ITPR2: variants seen among roughly 807,000 people sequenced by gnomAD.
The protein encoded by ITPR2 is inositol 1,4,5-trisphosphate-gated calcium channel ITPR2.
A neutral mutation model predicts 317.1 loss-of-function variants in ITPR2; 207 were observed. The ratio of observed to expected loss-of-function variants is 0.65; its 90% CI spans 0.58 to 0.73. The LOEUF is 0.73. Among genes scored for constraint, ITPR2 ranks in the 30% least tolerant of loss-of-function variants. The pLI, the probability that ITPR2 is intolerant of heterozygous loss-of-function variation, is 0.00. For missense variants in ITPR2, 2,613 were observed against 3,284.0 expected (o/e 0.80, Z 4.99); for synonymous variants, 1,156 against 1,149.1 (o/e 1.01, Z -0.12).
At chr12:26,439,004 TCAGTAATATCAGAC>T in intron 47 of ITPR2, 109 bp downstream of exon 47, 2 of 640,474 alleles carry the variant, frequency 3.1e-6, no homozygotes, top group Non-Finnish European at 5.3e-6. Flanking sequence ...GCAAGTGATT[TCAGTAATATCAGAC>T]CAGCAAGAAA....
At chr12:26,753,753 A>G (rs1164298466) in intron 2 of ITPR2, among the ~76,000 whole-genome samples, 1 of 152,210 alleles carries the variant, frequency 6.6e-6, no homozygotes, top group Non-Finnish European at 1.5e-5. Flanking sequence ...AGAGAGGTAC[A>G]TTAGGACAAA....
chr12:26,470,082 C>T (rs1942262244), intron 45 of ITPR2, among the ~76,000 whole-genome samples: 1 of 152,126 alleles, frequency 6.6e-6, no homozygotes, highest in South Asian at 2.1e-4. Flanking sequence ...ATTCACATAC[C>T]CCATCTGGCC....
chr12:26,358,806 C>A (rs1312770390), intron 55 of ITPR2, among the ~76,000 whole-genome samples: 1 of 152,168 alleles, frequency 6.6e-6, no homozygotes, highest in Non-Finnish European at 1.5e-5. Flanking sequence ...CCACCTGCCA[C>A]CCTCACTGAC....
chr12:26,437,046 A>C (rs1941369864), intron 47 of ITPR2, among the ~76,000 whole-genome samples: 1 of 152,248 alleles, frequency 6.6e-6, no homozygotes, highest in Non-Finnish European at 1.5e-5. Flanking sequence ...ATCACAAATG[A>C]ATTAGTAAAT....
At position 26,594,686 on chromosome 12, in the gene ITPR2, A is replaced by G. The variant is rs73292125; in HGVS notation, c.4380+779T>C. On this transcript the variant is annotated intron_variant, in intron 32 of 56. Coordinates refer to ENST00000381340, the MANE Select transcript of ITPR2 (RefSeq NM_002223.4). ...TTTGAACTTCAAGTCCCATAACTTT[A>G]AAGGGAAAATTAGATTTTTTTTTAG... Among the ~76,000 whole-genome samples, 477 of 152,214 alleles carry G rather than the reference A, an allele frequency of 3.1e-3. 4 individuals carry two copies. The highest frequency in any genetic ancestry group is 0.011 in the African/African-American group (444 of 41,536).
intron 45 of ITPR2, among the ~76,000 whole-genome samples, chr12:26,454,513 T>C (rs1186943374): frequency 1.3e-5 from 2 of 152,170 alleles, no homozygotes; most frequent in East Asian, 3.8e-4. Context: ...GCCAGAAATG[T>C]TTTAATTCCT....
At chr12:26,382,189 T>C (rs1342467599) in intron 55 of ITPR2, among the ~76,000 whole-genome samples, 1 of 152,200 alleles carries the variant, frequency 6.6e-6, no homozygotes, top group East Asian at 1.9e-4. Context: ...TCGCTCCTTT[T>C]CCCTTCTTAC....
rs1292479379 is a variant in ITPR2, at chr12:26,481,217, T to G, written c.6037A>C (p.Asn2013His). The change falls in exon 43 of 57, where the codon AAT becomes CAT. Residue 2013 changes from asparagine to histidine, a missense_variant. Physicochemically the swap from Asn to His is moderately conservative, Grantham distance 68 (BLOSUM62 1). Transcript: ENST00000381340. ...AAAGCAATGATGATATCAATCCCAT[T>G]AGACTCATGTGTAGCGATACAGGTC... Reference protein sequence around the residue: ...NQTCIATHESNGIDIIIALIL... With the variant: ...NQTCIATHESHGIDIIIALIL... 1 of 1,611,418 alleles carries G rather than the reference T, an allele frequency of 6.2e-7. No individual in the cohort carries two copies. The highest frequency in any genetic ancestry group is 1.1e-5 in the South Asian group (1 of 91,016).
At chr12:26,686,157 T>A (rs1309766662) in intron 11 of ITPR2, among the ~76,000 whole-genome samples, 2 of 152,136 alleles carry the variant, frequency 1.3e-5, no homozygotes, top group Admixed American at 6.5e-5. Context: ...AAATCTGACA[T>A]AATAAAAATA....
intron 2 of ITPR2, among the ~76,000 whole-genome samples, chr12:26,785,428 T>TG (rs1414785717): frequency 2.0e-5 from 1 of 49,930 alleles, no homozygotes; most frequent in Non-Finnish European, 4.9e-5. Context: ...AGGAGGGAGG[T>TG]GGGGGGGTCA....
chr12:26,737,158 T>C lies in ITPR2; in HGVS notation c.164-11393A>G, dbSNP rs148305288. Among the ~76,000 whole-genome samples, 20 of 152,314 alleles carry C rather than the reference T, an allele frequency of 1.3e-4. No homozygotes were observed. In the East Asian group the frequency reaches 2.3e-3, roughly 18 times the overall value. On this transcript the variant is annotated intron_variant, in intron 2 of 56. Transcript: ENST00000381340. ...GGCAAGTAAACTTGTACTCATCATG[T>C]TGAGGCAGAGGCAGATGCAGTGCAG...
chr12:26,644,612 C>G (rs112284782), intron 21 of ITPR2, among the ~76,000 whole-genome samples: 2,360 of 152,268 alleles, frequency 0.015, 24 homozygotes, highest in Non-Finnish European at 0.024. Context: ...AGAGCATGTG[C>G]AAGGGAACTC....
In ITPR2 at chr12:26,792,944, T is replaced by C. The variant is rs1176612963; in HGVS notation, c.93-2717A>G. Among the ~76,000 whole-genome samples the C allele has an allele frequency of 2.0e-5, 3 of 152,224 alleles. No homozygotes were observed. In the East Asian group the frequency reaches 5.8e-4, roughly 29 times the overall value. On this transcript the variant is annotated intron_variant, in intron 1 of 56. Transcript: ENST00000381340. The stretch of plus-strand genomic sequence containing the variant: ...TAGAGACTATCCACATGAGTCTAGA[T>C]GTGCCCCAACGAGGGCAGAGTACAG...
intron 32 of ITPR2, among the ~76,000 whole-genome samples, chr12:26,586,858 G>A (rs1300019327): frequency 6.6e-6 from 1 of 152,142 alleles, no homozygotes; most frequent in African/African-American, 2.4e-5. Flanking sequence ...ATTCATGTTT[G>A]TATTGCCTAG....
chr12:26,471,607 C>A (rs895626383), intron 45 of ITPR2, among the ~76,000 whole-genome samples: 6 of 152,042 alleles, frequency 3.9e-5, no homozygotes, highest in African/African-American at 1.4e-4. Flanking sequence ...CAGGAAAGGC[C>A]AAAAGAGATG....
chr12:26,538,422 A>C (rs1944161574), intron 37 of ITPR2, among the ~76,000 whole-genome samples: 1 of 152,220 alleles, frequency 6.6e-6, no homozygotes, highest in African/African-American at 2.4e-5. Context: ...AGTGGCTTGA[A>C]AAACTGAAAT....
chr12:26,563,566 G>A (rs1944875355), intron 34 of ITPR2, among the ~76,000 whole-genome samples: 1 of 151,590 alleles, frequency 6.6e-6, no homozygotes, highest in Non-Finnish European at 1.5e-5. Flanking sequence ...AAAAAAAAAA[G>A]ATAGAATGTG....
intron 44 of ITPR2, among the ~76,000 whole-genome samples, chr12:26,475,847 G>A (rs541795732): frequency 6.6e-6 from 1 of 152,170 alleles, no homozygotes; most frequent in Non-Finnish European, 1.5e-5. Context: ...ACACAGTGCG[G>A]TGCCATCGGT....
intron 10 of ITPR2, among the ~76,000 whole-genome samples, chr12:26,694,001 A>G (rs919824773): frequency 6.6e-6 from 1 of 152,034 alleles, no homozygotes; most frequent in African/African-American, 2.4e-5. Context: ...CACACAAGTT[A>G]ATGGTGGTGC....
Sources: allele counts gnomAD v4.1 joint callset (sites outside exome capture counted in the v4.1 genomes callset), GRCh38; gene constraint gnomAD v4.1.1; transcripts MANE v1.5; gene names NCBI Gene and HGNC (gene_info 2026-07-23, HGNC 2026-07-21).